Variants in MAN1C1 observed in about 807,000 individuals in gnomAD.
MAN1C1 encodes the protein mannosidase alpha class 1C member 1.
MAN1C1 carries 49 observed loss-of-function variants against 71.5 expected under a neutral mutation model. The observed-to-expected ratio is 0.69, with a 90% CI of 0.54 to 0.87. The LOEUF is 0.87. Among genes scored for constraint, MAN1C1 ranks in the 40% least tolerant of loss-of-function variants. MAN1C1 has a pLI of 0.00. For synonymous variants in MAN1C1, 352 were observed against 343.7 expected, an observed-to-expected ratio of 1.02 and a Z score of -0.27; for missense variants, 743 against 835.0, an observed-to-expected ratio of 0.89 and a Z score of 1.36.
At chr1:25,690,499 G>A (rs1322093974) in intron 2 of MAN1C1, among the ~76,000 whole-genome samples, 1 of 152,144 alleles carries the variant, frequency 6.6e-6, no homozygotes, top group Non-Finnish European at 1.5e-5. Context: ...CACCATGTTG[G>A]TCAGGCTTGT....
intron 7 of MAN1C1, among the ~76,000 whole-genome samples, chr1:25,767,862 CCA>C (rs1368716016): frequency 3.6e-5 from 4 of 111,540 alleles, no homozygotes; most frequent in Admixed American, 8.9e-5. Flanking sequence ...TACACTCCCC[CCA>C]CACACTCCCC....
At chr1:25,780,859 G>A in intron 9 of MAN1C1, 81 bp from the exon 10 acceptor site, 1 of 1,488,166 alleles carries the variant, frequency 6.7e-7, no homozygotes, top group Non-Finnish European at 9.2e-7. Flanking sequence ...GCGGGTTCAA[G>A]GCAACTGACA....
At chr1:25,783,101 G>A (rs1318349591) in intron 11 of MAN1C1, among the ~76,000 whole-genome samples, 2 of 152,122 alleles carry the variant, frequency 1.3e-5, no homozygotes, top group Non-Finnish European at 2.9e-5. Context: ...TGCCCTCCTC[G>A]ATTTCATGCC....
At chr1:25,719,034 T>C (rs933100175) in intron 2 of MAN1C1, among the ~76,000 whole-genome samples, 43 of 149,396 alleles carry the variant, frequency 2.9e-4, no homozygotes, top group Middle Eastern at 3.6e-3. Flanking sequence ...TTCCATTTTC[T>C]CTATATCTTT....
At chr1:25,660,396 C>CCTT (rs1389255801) in intron 1 of MAN1C1, among the ~76,000 whole-genome samples, 8 of 97,630 alleles carry the variant, frequency 8.2e-5, no homozygotes, top group African/African-American at 3.9e-4. Context: ...AGTGAAATTC[C>CCTT]TTTTTTTTTT....
chr1:25,737,932 C>G (rs1430582088), intron 2 of MAN1C1, among the ~76,000 whole-genome samples: 1 of 152,058 alleles, frequency 6.6e-6, no homozygotes, highest in Non-Finnish European at 1.5e-5. Context: ...GCAAAGAGAG[C>G]AGGACAAGAG....
intron 1 of MAN1C1, chr1:25,645,306 C>A: frequency 6.6e-6 from 1 of 152,570 alleles, no homozygotes. Flanking sequence ...TGGCTTCCCA[C>A]TGAGAGTGCA....
chr1:25,656,117 T>TTTTTTTTTTTTTTTTA (rs869216857), intron 1 of MAN1C1, among the ~76,000 whole-genome samples: 1 of 143,238 alleles, frequency 7.0e-6, no homozygotes, highest in Admixed American at 6.9e-5. Flanking sequence ...TTTTTTTTTT[T>TTTTTTTTTTTTTTTTA]GAGACAGTCT....
chr1:25,678,496 G>A (rs1383560437), intron 1 of MAN1C1, among the ~76,000 whole-genome samples: 1 of 152,120 alleles, frequency 6.6e-6, no homozygotes, highest in East Asian at 1.9e-4. Flanking sequence ...ACCAAGTTTT[G>A]CACAGTGGTG....
chr1:25,674,495 G>A (rs2046037163), intron 1 of MAN1C1, among the ~76,000 whole-genome samples: 2 of 152,156 alleles, frequency 1.3e-5, no homozygotes, highest in Admixed American at 6.5e-5. Context: ...CACAACTAAT[G>A]TAAAATTTTG....
rs745399045 is a variant in MAN1C1, at chr1:25,780,989, C to T, written c.1527C>T (p.Ala509=). 1.4e-5 allele frequency: 22 copies of T among 1,614,030 alleles called. No homozygotes were observed. Among genetic ancestry groups the T allele is most frequent in the East Asian group, 1.1e-4 (5 of 44,900 alleles). The change falls in exon 10 of 12, where the codon GCC becomes GCT. Residue 509 remains alanine, a synonymous_variant. Coordinates refer to ENST00000374332, the MANE Select transcript of MAN1C1 (RefSeq NM_020379.4). ...EAFWFNSGRE[A]VATQLSESYY... ...TCTGGTTTAACTCCGGCAGAGAGGC[C>T]GTGGCCACCCAGCTGAGCGAGAGCT... is the stretch of plus-strand genomic sequence containing the variant.
chr1:25,736,128 G>A (rs1366271938), intron 2 of MAN1C1, among the ~76,000 whole-genome samples: 2 of 152,186 alleles, frequency 1.3e-5, no homozygotes, highest in East Asian at 1.9e-4. Context: ...GAGCGGCAAA[G>A]GGCTCTGATT....
Position 25,632,100 on chromosome 1 carries a change from AT to A in MAN1C1, c.540+13764del, listed in dbSNP as rs745950423. On this transcript the variant is annotated intron_variant, in intron 1 of 11. Transcript: ENST00000374332. ...GCCCCAATTCTTCTTTGAATGTCTG[AT>A]AGAATTCAGCTGTGAATCCATCATG... Among the ~76,000 whole-genome samples, 3 of 152,308 alleles carry A rather than the reference AT, an allele frequency of 2.0e-5. No individual in the cohort carries two copies. The East Asian group carries it at 5.8e-4, about 29-fold the overall frequency.
At chr1:25,781,513 C>T (rs2047694442) in intron 10 of MAN1C1, among the ~76,000 whole-genome samples, 2 of 152,182 alleles carry the variant, frequency 1.3e-5, no homozygotes, top group Non-Finnish European at 1.5e-5. Flanking sequence ...TTCCCACAGG[C>T]AGCCCAGCCT....
At chr1:25,739,680 T>C (rs1173994425) in intron 2 of MAN1C1, among the ~76,000 whole-genome samples, 4 of 152,160 alleles carry the variant, frequency 2.6e-5, no homozygotes, top group African/African-American at 9.7e-5. Flanking sequence ...GTTCATTTCC[T>C]TGTAGAGATT....
chr1:25,660,645 G>A (rs1032391484), intron 1 of MAN1C1, among the ~76,000 whole-genome samples: 9 of 151,304 alleles, frequency 5.9e-5, no homozygotes, highest in East Asian at 5.9e-4. Flanking sequence ...CGCCCGCCTC[G>A]GCCTCCCAAA....
intron 1 of MAN1C1, among the ~76,000 whole-genome samples, chr1:25,674,238 T>C (rs889879208): frequency 2.0e-5 from 3 of 152,226 alleles, no homozygotes; most frequent in Admixed American, 6.5e-5. Flanking sequence ...TAAATCCTTG[T>C]TGAGTCAAGG....
intron 2 of MAN1C1, among the ~76,000 whole-genome samples, chr1:25,717,327 A>G (rs969366171): frequency 3.3e-5 from 5 of 152,138 alleles, no homozygotes; most frequent in East Asian, 1.9e-4. Flanking sequence ...CTTGGTCAAC[A>G]TGGCGAAACC....
At chr1:25,768,539 A>G (rs2047491547) in intron 7 of MAN1C1, among the ~76,000 whole-genome samples, 1 of 91,174 alleles carries the variant, frequency 1.1e-5, no homozygotes, top group Non-Finnish European at 2.2e-5. Context: ...CACTCCCCTC[A>G]CACACACCAC....
Sources: gnomAD v4.1 joint callset for allele counts (sites outside exome capture counted in the v4.1 genomes callset) on GRCh38, gnomAD v4.1.1 for gene constraint, MANE v1.5 for transcripts, NCBI Gene and HGNC (gene_info 2026-07-23, HGNC 2026-07-21) for gene names.